The following RGS3 variants were observed in gnomAD, a reference collection of about 807,000 sequenced individuals.
RGS3 encodes regulator of G protein signaling 3, also known as regulator of G-protein signalling 3.
In RGS3, 80 loss-of-function variants were observed where a neutral mutation model predicts 132.6. That is an observed-to-expected ratio of 0.60 (90% CI 0.50 to 0.73). The LOEUF is 0.73. Among genes scored for constraint, RGS3 ranks in the 30% least tolerant of loss-of-function variants. The pLI is 0.00. For synonymous variants in RGS3, 598 were observed against 620.6 expected (o/e 0.96, Z 0.54); for missense variants, 1,382 against 1,530.8 (o/e 0.90, Z 1.62).
intron 19 of RGS3, chr9:113,581,870 C>T (rs2118964532): frequency 9.6e-6 from 2 of 209,274 alleles, no homozygotes; most frequent in South Asian, 3.4e-4. Flanking sequence ...CATCAGCAGG[C>T]ACCTGTCTTT....
At chr9:113,527,939 CTG>C (rs1300214779) in intron 17 of RGS3, among the ~76,000 whole-genome samples, 1 of 152,176 alleles carries the variant, frequency 6.6e-6, no homozygotes, top group African/African-American at 2.4e-5. Context: ...GAGAGGTGGG[CTG>C]TGTAGTGGTA....
upstream of RGS3, among the ~76,000 whole-genome samples, chr9:113,458,845 G>A (rs1829412537): frequency 6.6e-6 from 1 of 151,998 alleles, no homozygotes; most frequent in Non-Finnish European, 1.5e-5. Flanking sequence ...TCTGCCTCCC[G>A]GGTTCAAGTG....
intron 19 of RGS3, among the ~76,000 whole-genome samples, chr9:113,552,109 C>CT (rs1227596939): frequency 5.9e-5 from 9 of 152,110 alleles, no homozygotes; most frequent in African/African-American, 1.7e-4. Context: ...ATAATATTCA[C>CT]TTTTTTCCCT....
chr9:113,499,332 T>A (rs1229945668), intron 10 of RGS3, among the ~76,000 whole-genome samples: 4 of 152,046 alleles, frequency 2.6e-5, no homozygotes, highest in Non-Finnish European at 5.9e-5. Context: ...AAGGCAGCTG[T>A]TACTTCCGCA....
At chr9:113,597,615 CAG>C (rs1835853123) in exon 25 of RGS3, 1 of 152,438 alleles carries the variant, frequency 6.6e-6, no homozygotes, top group Non-Finnish European at 1.5e-5. Flanking sequence ...TGGCTACACA[CAG>C]AGATCTGGCA....
chr9:113,549,292 A>G (rs1185591039), intron 19 of RGS3, among the ~76,000 whole-genome samples: 1 of 152,220 alleles, frequency 6.6e-6, no homozygotes, highest in Admixed American at 6.5e-5. Flanking sequence ...GTGAAGATCA[A>G]AGGGGATCTG....
chr9:113,551,243 G>A (rs562365244), intron 19 of RGS3, among the ~76,000 whole-genome samples: 73 of 152,264 alleles, frequency 4.8e-4, no homozygotes, highest in African/African-American at 1.6e-3. Context: ...TTTTGTGACT[G>A]GCTTCTTTCA....
chr9:113,444,885 C>T (rs1829070736), exon 1 of RGS3: 1 of 152,208 alleles, frequency 6.6e-6, no homozygotes, highest in African/African-American at 2.4e-5. Context: ...ACTCGTGAAC[C>T]CCTTGCTTCA....
intron 14 of RGS3, among the ~76,000 whole-genome samples, chr9:113,511,667 T>C (rs1831409737): frequency 6.6e-6 from 1 of 152,134 alleles, no homozygotes; most frequent in Non-Finnish European, 1.5e-5. Context: ...GAGGATTCTG[T>C]GACAGCCCTG....
chr9:113,584,069 AG>A lies in RGS3; in HGVS notation c.2659del (p.Glu887ArgfsTer32), dbSNP rs1422994623. 1 of 1,614,130 alleles carries A rather than the reference AG, an allele frequency of 6.2e-7. No homozygotes were observed. The highest frequency in any genetic ancestry group is 1.1e-5 in the South Asian group (1 of 91,086). On this transcript the variant is annotated frameshift_variant, in exon 20 of 25. Transcript: ENST00000350696. LOFTEE classifies it high-confidence loss of function. ...GATGAGGAGGATGCAGAAGAGGCCG[AG>A]GAGGTGGAGGAGGGGGAGGAAGGGG...
chr9:113,572,558 G>A (rs1216987434), intron 19 of RGS3, among the ~76,000 whole-genome samples: 8 of 152,128 alleles, frequency 5.3e-5, no homozygotes, highest in African/African-American at 1.2e-4. Context: ...TGCCCCCAGC[G>A]CTGCAGGCCC....
intron 1 of RGS3, among the ~76,000 whole-genome samples, chr9:113,452,901 AAATATATATTATATATTTATATAT>A (rs1829276332): frequency 7.2e-6 from 1 of 138,096 alleles, no homozygotes; most frequent in African/African-American, 2.7e-5. Context: ...TTATATATAT[AAATATATATTATATATTTATATAT>A]AATATATAAA....
intron 6 of RGS3, among the ~76,000 whole-genome samples, chr9:113,484,822 T>C (rs1409528541): frequency 6.6e-6 from 1 of 152,200 alleles, no homozygotes; most frequent in East Asian, 1.9e-4. Context: ...TATTTTCCTA[T>C]TAGTGAAAAT....
rs562509898 is a variant in RGS3, at chr9:113,506,816, A to G, written c.1085+323A>G. Reference sequence around the variant, plus strand: ...CTAAGCCCATTTGTTATTTAAGGGCATGAAGATGTTGCAAATGTTTCAATT... The same window carrying G: ...CTAAGCCCATTTGTTATTTAAGGGCGTGAAGATGTTGCAAATGTTTCAATT... On this transcript the variant is annotated intron_variant, in intron 12 of 24. Transcript: ENST00000350696. This position sits in a 1 kb window ranked among gnomAD's most constrained non-coding sequence, Gnocchi z 4.7. 6.6e-6 allele frequency among the ~76,000 whole-genome samples: 1 copy of G among 152,208 alleles called. No individual in the cohort carries two copies. Among genetic ancestry groups the G allele is most frequent in the Non-Finnish European group, 1.5e-5 (1 of 68,046 alleles).
upstream of RGS3, among the ~76,000 whole-genome samples, chr9:113,459,248 A>T (rs1323803810): frequency 6.6e-6 from 1 of 152,190 alleles, no homozygotes; most frequent in African/African-American, 2.4e-5. Flanking sequence ...TGAAGATCTT[A>T]TAGAATTAGC....
intron 7 of RGS3, 30 bp downstream of exon 5, chr9:113,485,723 C>A (rs1031901852): frequency 1.9e-6 from 3 of 1,540,028 alleles, no homozygotes; most frequent in African/African-American, 1.4e-5. Context: ...TGGAGGGGGA[C>A]TCTGCTCTGG....
chr9:113,564,909 G>A (rs533096340), intron 19 of RGS3: 303 of 994,918 alleles, frequency 3.0e-4, no homozygotes, highest in Non-Finnish European at 3.4e-4. Flanking sequence ...GCGTCGGGGT[G>A]GGGGTGTGAC....
At chr9:113,517,553 T>C (rs745590281) in exon 16 of RGS3, 5 of 1,613,398 alleles carry the variant, frequency 3.1e-6, no homozygotes, top group Admixed American at 1.7e-5. Context: ...TCTAGATCTC[T>C]GTAATCCTGC....
chr9:113,540,468 A>C (rs1309193015), intron 19 of RGS3, among the ~76,000 whole-genome samples: 1 of 152,180 alleles, frequency 6.6e-6, no homozygotes, highest in African/African-American at 2.4e-5. Context: ...TGGTGATCTA[A>C]GCATGAAAGC....
Sources: gnomAD v4.1 joint callset for allele counts (sites outside exome capture counted in the v4.1 genomes callset) on GRCh38, gnomAD v4.1.1 for gene constraint, Gnocchi (gnomAD v3.1) non-coding constraint, MANE v1.5 for transcripts, NCBI Gene and HGNC (gene_info 2026-07-23, HGNC 2026-07-21) for gene names.